TMEM131: variants seen among roughly 807,000 people sequenced by gnomAD.
The protein encoded by TMEM131 is 2610524E03Rik.
TMEM131 carries 66 observed loss-of-function variants against 211.6 expected under a neutral mutation model. The ratio of observed to expected loss-of-function variants is 0.31; its 90% confidence interval spans 0.26 to 0.38. The LOEUF (loss-of-function observed/expected upper bound fraction) is 0.38, where lower values mean the gene tolerates loss of function less well. TMEM131 is among the 10% of genes least tolerant of loss of function. The pLI, the probability that TMEM131 is intolerant of heterozygous loss-of-function variation, is 1.00. For missense variants in TMEM131, 2,036 were observed against 2,299.3 expected (o/e 0.89, Z 2.34); for synonymous variants, 844 against 841.3 (o/e 1.00, Z -0.06).
intron 31 of TMEM131, among the ~76,000 whole-genome samples, chr2:97,784,163 G>C (rs995689626): frequency 1.3e-5 from 2 of 152,010 alleles, no homozygotes; most frequent in Non-Finnish European, 2.9e-5. Context: ...TCTCTCAACA[G>C]TATAACAACT....
chr2:97,799,245 G>GT (rs1021799837), intron 25 of TMEM131, among the ~76,000 whole-genome samples: 1 of 150,378 alleles, frequency 6.6e-6, no homozygotes, highest in Non-Finnish European at 1.5e-5. Context: ...CAGCCATTGT[G>GT]TTTTTCAGTG....
At chr2:97,866,256 C>T (rs1209906479) in intron 4 of TMEM131, among the ~76,000 whole-genome samples, 5 of 152,346 alleles carry the variant, frequency 3.3e-5, no homozygotes, top group African/African-American at 7.2e-5. Context: ...TCTATTTCTC[C>T]GTGAGTCAGT....
chr2:97,827,318 T>C, intron 11 of TMEM131: 1 of 790,344 alleles, frequency 1.3e-6, no homozygotes, highest in African/African-American at 1.7e-5. Flanking sequence ...TCGGCGCGGT[T>C]GTCAGCTAAA....
At chr2:97,900,526 T>C (rs1257762293) in intron 3 of TMEM131, among the ~76,000 whole-genome samples, 1 of 152,006 alleles carries the variant, frequency 6.6e-6, no homozygotes, top group Non-Finnish European at 1.5e-5. Flanking sequence ...CTTAACAGTA[T>C]TCCACTATAT....
chr2:97,976,483 A>T (rs560643780), intron 1 of TMEM131, among the ~76,000 whole-genome samples: 7 of 152,328 alleles, frequency 4.6e-5, no homozygotes, highest in South Asian at 4.1e-4. Context: ...TACTTTAAAA[A>T]TTTTATACTG....
chr2:97,794,022 A>AAC (rs1680639944), intron 29 of TMEM131, among the ~76,000 whole-genome samples: 5 of 147,056 alleles, frequency 3.4e-5, no homozygotes, highest in Non-Finnish European at 6.0e-5. Context: ...AAAACAAAAA[A>AAC]CCCACAGTTT....
intron 25 of TMEM131, among the ~76,000 whole-genome samples, chr2:97,799,670 G>C (rs916379688): frequency 6.6e-6 from 1 of 152,194 alleles, no homozygotes; most frequent in Non-Finnish European, 1.5e-5. Flanking sequence ...AGATTAGCGA[G>C]GATGATTCAT....
chr2:97,908,533 T>C lies in TMEM131; in HGVS notation c.290+125A>G, dbSNP rs1461176816. ...CACACAACACTTAGAAATAATCATA[T>C]AATGTGATTTACAATTTGCTATTCC... On this transcript the variant is annotated intron_variant, in intron 3 of 40. Coordinates refer to ENST00000186436, the MANE Select transcript of TMEM131 (RefSeq NM_015348.2). 3.0e-6 allele frequency: 2 copies of C among 659,480 alleles called. 1 individual carries two copies. The highest frequency in any genetic ancestry group is 5.6e-5 in the East Asian group (2 of 35,602). The allele number at this position is 659,480 out of a possible 1,614,324, so 40.9% of individuals were successfully genotyped here. A position where few individuals can be genotyped will look rare whatever the true frequency, so the allele number is the denominator to read the frequency against.
chr2:97,810,221 A>T (rs1681490954), intron 18 of TMEM131, among the ~76,000 whole-genome samples: 1 of 152,138 alleles, frequency 6.6e-6, no homozygotes, highest in Non-Finnish European at 1.5e-5. Flanking sequence ...CCTAATTTTT[A>T]AAAATGCACT....
chr2:97,796,385 T>C lies in TMEM131; in HGVS notation c.3033A>G (p.Pro1011=), dbSNP rs373085706. The C allele has an allele frequency of 1.9e-4, 286 of 1,527,970 alleles. 1 individual carries two copies. The highest frequency in any genetic ancestry group is 3.4e-4 in the Middle Eastern group (2 of 5,902). 94.7% of individuals were successfully genotyped at this position (1,527,970 alleles called of 1,614,324 possible). Residue 1011 remains proline, a synonymous_variant, in exon 28 of 41, where the codon CCA becomes CCG. Coordinates refer to ENST00000186436, the MANE Select transcript of TMEM131 (RefSeq NM_015348.2). ...TAAATGTTCTTTTCAATGTGAAATTTGGTTCTCTTAGTTTTAAACCTAAAG... is the reference window on the plus strand; with the variant it reads ...TAAATGTTCTTTTCAATGTGAAATTCGGTTCTCTTAGTTTTAAACCTAAAG... ...DCTDSLKLRE[P]NFTLKRTFKV...
chr2:97,946,170 T>C (rs1006171735), intron 1 of TMEM131, among the ~76,000 whole-genome samples: 4 of 151,534 alleles, frequency 2.6e-5, no homozygotes, highest in Non-Finnish European at 4.4e-5. Context: ...GTTATCTATA[T>C]TGCATACTCA....
intron 7 of TMEM131, 78 bp downstream of exon 7, chr2:97,841,737 G>A (rs1397036101): frequency 1.2e-5 from 17 of 1,425,706 alleles, no homozygotes; most frequent in Admixed American, 2.7e-5. Context: ...CTTGGAAACT[G>A]TAACAAACTG....
chr2:97,937,864 G>A (rs955401982), intron 1 of TMEM131, among the ~76,000 whole-genome samples: 3 of 152,186 alleles, frequency 2.0e-5, no homozygotes, highest in Non-Finnish European at 4.4e-5. Context: ...AGAAGAGAGT[G>A]GGGGCCAATA....
At chr2:97,770,161 G>A (rs925139288) in intron 33 of TMEM131, among the ~76,000 whole-genome samples, 1 of 152,164 alleles carries the variant, frequency 6.6e-6, no homozygotes, top group African/African-American at 2.4e-5. Context: ...CTGAGTGACA[G>A]TGTTTGACAT....
intron 8 of TMEM131, among the ~76,000 whole-genome samples, chr2:97,836,481 C>T (rs1367771595): frequency 6.6e-6 from 1 of 152,168 alleles, no homozygotes; most frequent in Non-Finnish European, 1.5e-5. Context: ...TTTTAAAACT[C>T]ACAAATGGCA....
chr2:97,961,725 G>A (rs1305619164), intron 1 of TMEM131, among the ~76,000 whole-genome samples: 4 of 152,282 alleles, frequency 2.6e-5, no homozygotes, highest in East Asian at 3.9e-4. Context: ...AAACAGACAC[G>A]CAAATACATG....
chr2:97,854,476 G>T (rs140169044), intron 5 of TMEM131, among the ~76,000 whole-genome samples: 1 of 152,174 alleles, frequency 6.6e-6, no homozygotes, highest in East Asian at 1.9e-4. Context: ...GTACCACTCT[G>T]GTCAGAGTAA....
At chr2:97,783,029 C>CT (rs1680088271) in intron 31 of TMEM131, among the ~76,000 whole-genome samples, 1 of 148,568 alleles carries the variant, frequency 6.7e-6, no homozygotes, top group African/African-American at 2.5e-5. Flanking sequence ...CATCAAGATG[C>CT]ATTATAATCA....
Position 97,802,435 on chromosome 2 carries a change from C to G in TMEM131, c.2644G>C (p.Val882Leu), listed in dbSNP as rs779607996. 6.2e-7 allele frequency: 1 copy of G among 1,600,854 alleles called. No individual in the cohort carries two copies. Among genetic ancestry groups the G allele is most frequent in the South Asian group, 1.1e-5 (1 of 88,586 alleles). ...SNPSVFVDKLVSRFNLSKVAK... is the reference protein window; with the variant it reads ...SNPSVFVDKLLSRFNLSKVAK... ...ATCCCAAGCAATACTTACCTTGATA[C>G]TAACTTATCTACAAACACTGAAGGG... The change falls in exon 24 of 41, where the codon GTA becomes CTA. Residue 882 changes from valine to leucine, a missense_variant. Coordinates refer to ENST00000186436, the MANE Select transcript of TMEM131 (RefSeq NM_015348.2).
Sources: allele counts gnomAD v4.1 joint callset (sites outside exome capture counted in the v4.1 genomes callset), GRCh38; gene constraint gnomAD v4.1.1; transcripts MANE v1.5; gene names NCBI Gene and HGNC (gene_info 2026-07-23, HGNC 2026-07-21).